Variants in EYS observed in about 807,000 individuals in gnomAD.
EYS encodes protein eyes shut homolog.
A neutral mutation model predicts 282.1 loss-of-function variants in EYS; 250 were observed. The ratio of observed to expected loss-of-function variants is 0.89; its 90% CI spans 0.80 to 0.98. The LOEUF is 0.98. Among genes scored for constraint, EYS ranks in the 50% least tolerant of loss-of-function variants. EYS has a pLI of 0.00. For synonymous variants in EYS, 1,355 were observed against 1,282.9 expected (o/e 1.06, Z -1.20); for missense variants, 4,016 against 3,709.0 (o/e 1.08, Z -2.15).
At chr6:65,197,762 T>C (rs778114587) in intron 12 of EYS, among the ~76,000 whole-genome samples, 2 of 152,044 alleles carry the variant, frequency 1.3e-5, no homozygotes, top group Non-Finnish European at 2.9e-5. Flanking sequence ...AAATTCAGTA[T>C]AGAAGATTAA....
chr6:63,806,451 C>T, intron 36 of EYS, 79 bp from the exon 37 acceptor site: 1 of 1,231,940 alleles, frequency 8.1e-7, no homozygotes, highest in Non-Finnish European at 1.1e-6. Flanking sequence ...TTTGCTGATG[C>T]ATCTGGCCAG....
intron 39 of EYS, among the ~76,000 whole-genome samples, chr6:63,778,664 A>T (rs981239775): frequency 6.6e-6 from 1 of 152,112 alleles, no homozygotes; most frequent in Non-Finnish European, 1.5e-5. Context: ...TGAATATCTT[A>T]TGTGTATATC....
intron 41 of EYS, among the ~76,000 whole-genome samples, chr6:63,749,914 C>T (rs896229079): frequency 6.6e-6 from 1 of 152,152 alleles, no homozygotes; most frequent in African/African-American, 2.4e-5. Flanking sequence ...TGTCCTAGTC[C>T]CTTGGTGACA....
At chr6:64,548,794 G>A (rs139327320) in intron 26 of EYS, among the ~76,000 whole-genome samples, 1,703 of 152,014 alleles carry the variant, frequency 0.011, 39 homozygotes, top group African/African-American at 0.039. Context: ...AAACCTGCAC[G>A]TTGTGCACAT....
At chr6:65,063,331 A>T (rs545043527) in intron 12 of EYS, among the ~76,000 whole-genome samples, 1 of 151,992 alleles carries the variant, frequency 6.6e-6, no homozygotes. Flanking sequence ...GGTTTGTGGA[A>T]TGTATTATAA....
chr6:64,087,629 T>A (rs1772202275), intron 31 of EYS, among the ~76,000 whole-genome samples: 1 of 152,068 alleles, frequency 6.6e-6, no homozygotes, highest in African/African-American at 2.4e-5. Flanking sequence ...TATTCTTTGA[T>A]AAATACAAAT....
At chr6:64,406,389 G>A (rs543864035) in intron 28 of EYS, among the ~76,000 whole-genome samples, 1 of 152,242 alleles carries the variant, frequency 6.6e-6, no homozygotes, top group African/African-American at 2.4e-5. Context: ...TATCATTCAG[G>A]ACATAGGCAT....
At chr6:64,214,379 C>T (rs989082925) in intron 31 of EYS, among the ~76,000 whole-genome samples, 3 of 152,058 alleles carry the variant, frequency 2.0e-5, no homozygotes, top group African/African-American at 7.2e-5. Context: ...TTCCTTAAAC[C>T]AGGTGCTAAA....
At chr6:64,433,796 T>C (rs1028326162) in intron 28 of EYS, among the ~76,000 whole-genome samples, 7 of 152,040 alleles carry the variant, frequency 4.6e-5, no homozygotes, top group African/African-American at 1.7e-4. Flanking sequence ...ACTAGTGTTT[T>C]GTTACTTTAA....
At chr6:65,090,351 C>T (rs1175714035) in intron 12 of EYS, among the ~76,000 whole-genome samples, 4 of 152,144 alleles carry the variant, frequency 2.6e-5, no homozygotes, top group Non-Finnish European at 5.9e-5. Flanking sequence ...TTCCCATTCA[C>T]CTTCCACCAT....
chr6:64,721,062 T>C (rs571431213), intron 22 of EYS, among the ~76,000 whole-genome samples: 45 of 152,282 alleles, frequency 3.0e-4, no homozygotes, highest in African/African-American at 1.0e-3. Context: ...CTACAACTAA[T>C]TATCAAGTGT....
intron 12 of EYS, among the ~76,000 whole-genome samples, chr6:65,140,251 C>T (rs1764293979): frequency 6.6e-6 from 1 of 151,624 alleles, no homozygotes. Flanking sequence ...TTTCTATTTT[C>T]AAGTTCACAG....
At chr6:65,377,660 C>G (rs1765426317) in intron 8 of EYS, among the ~76,000 whole-genome samples, 1 of 151,740 alleles carries the variant, frequency 6.6e-6, no homozygotes, top group African/African-American at 2.4e-5. Context: ...AGAGAAAAAT[C>G]AAACAGACAC....
At chr6:63,843,941 G>T (rs1381907586) in intron 36 of EYS, among the ~76,000 whole-genome samples, 1 of 152,130 alleles carries the variant, frequency 6.6e-6, no homozygotes, top group African/African-American at 2.4e-5. Flanking sequence ...TTGCTGCACA[G>T]ATCAACCCAT....
At chr6:63,903,285 G>A (rs1773701303) in intron 35 of EYS, among the ~76,000 whole-genome samples, 2 of 152,142 alleles carry the variant, frequency 1.3e-5, no homozygotes, top group Non-Finnish European at 2.9e-5. Context: ...GTGAGGGGTA[G>A]GAAGGTCATC....
chr6:64,782,394 A>G (rs191178567), intron 22 of EYS, among the ~76,000 whole-genome samples: 3 of 152,310 alleles, frequency 2.0e-5, no homozygotes, highest in East Asian at 3.9e-4. Context: ...AAGCAGGCAC[A>G]ACGAAATTTT....
At chr6:64,283,687 T>C (rs1215977159) in intron 30 of EYS, among the ~76,000 whole-genome samples, 1 of 152,130 alleles carries the variant, frequency 6.6e-6, no homozygotes, top group Non-Finnish European at 1.5e-5. Flanking sequence ...ATGCTGCTGA[T>C]AAAGACATAT....
intron 12 of EYS, among the ~76,000 whole-genome samples, chr6:65,192,747 T>C (rs1765672756): frequency 6.6e-6 from 1 of 151,798 alleles, no homozygotes; most frequent in Non-Finnish European, 1.5e-5. Context: ...GGGTTAGCTC[T>C]TGCAATAATG....
At chr6:64,372,130 G>GTTTTTTTTTTTTTTTTTTTTTTTTTTT (rs201498090) in intron 29 of EYS, among the ~76,000 whole-genome samples, 18 of 97,714 alleles carry the variant, frequency 1.8e-4, no homozygotes, top group African/African-American at 3.8e-4. Context: ...GTATACTTGT[G>GTTTTTTTTTTTTTTTTTTTTTTTTTTT]TTTTTTTTTT....
Sources: allele counts gnomAD v4.1 joint callset (sites outside exome capture counted in the v4.1 genomes callset), GRCh38; gene constraint gnomAD v4.1.1; transcripts MANE v1.5; gene names NCBI Gene and HGNC (gene_info 2026-07-23, HGNC 2026-07-21).